Variants in CDH13 observed in about 807,000 individuals in gnomAD.
CDH13 encodes the protein cadherin-13.
Under a neutral mutation model 63.8 loss-of-function variants are expected in CDH13, and 24 were observed. That is an observed-to-expected ratio of 0.38 (90% CI 0.27 to 0.53). The LOEUF (loss-of-function observed/expected upper bound fraction) is 0.53. Among genes scored for constraint, CDH13 ranks in the 20% least tolerant of loss-of-function variants. The pLI is 0.85. For synonymous variants in CDH13, 503 were observed against 355.3 expected (o/e 1.42, Z -4.67); for missense variants, 1,049 against 903.1 (o/e 1.16, Z -2.07).
At chr16:83,621,876 T>C (rs1247673042) in intron 8 of CDH13, among the ~76,000 whole-genome samples, 1 of 152,106 alleles carries the variant, frequency 6.6e-6, no homozygotes, top group Admixed American at 6.6e-5. Flanking sequence ...TCTCCTGGGT[T>C]CATTAGGATA....
At chr16:83,422,508 G>T (rs1344129154) in intron 6 of CDH13, among the ~76,000 whole-genome samples, 2 of 152,196 alleles carry the variant, frequency 1.3e-5, no homozygotes, top group Admixed American at 6.5e-5. Context: ...AGACAGAAAA[G>T]AGTTTAATTT....
chr16:83,312,065 T>TC (rs1162252550), intron 5 of CDH13, among the ~76,000 whole-genome samples: 1 of 32,544 alleles, frequency 3.1e-5, no homozygotes, highest in African/African-American at 1.4e-4. Context: ...AAACTCCATC[T>TC]CAAAAAAAAA....
At chr16:83,174,776 A>T (rs2038060417) in intron 4 of CDH13, among the ~76,000 whole-genome samples, 1 of 152,142 alleles carries the variant, frequency 6.6e-6, no homozygotes, top group African/African-American at 2.4e-5. Flanking sequence ...AGGCCTTAGG[A>T]AACTTAACAA....
intron 2 of CDH13, among the ~76,000 whole-genome samples, chr16:82,971,827 A>G (rs961628290): frequency 3.3e-5 from 5 of 152,010 alleles, no homozygotes; most frequent in African/African-American, 4.8e-5. Context: ...TCCTGATCCT[A>G]TTTGAGGGGG....
intron 6 of CDH13, among the ~76,000 whole-genome samples, chr16:83,381,722 A>T (rs78975324): frequency 0.013 from 1,899 of 143,222 alleles, 38 homozygotes; most frequent in African/African-American, 0.048. Flanking sequence ...ATTAGGGATT[A>T]AAAAAAAAAA....
intron 10 of CDH13, among the ~76,000 whole-genome samples, chr16:83,686,448 TG>T (rs1904322111): frequency 6.6e-6 from 1 of 152,220 alleles, no homozygotes; most frequent in African/African-American, 2.4e-5. Flanking sequence ...CATAGTCTAT[TG>T]ACTCCAAAAT....
intron 2 of CDH13, among the ~76,000 whole-genome samples, chr16:82,890,655 T>TTC (rs1198204669): frequency 2.4e-4 from 36 of 151,504 alleles, no homozygotes; most frequent in African/African-American, 8.7e-4. Context: ...ACATTCTTTT[T>TTC]TTTTTTTTTT....
At chr16:83,162,293 T>G (rs773497514) in intron 4 of CDH13, among the ~76,000 whole-genome samples, 5 of 152,170 alleles carry the variant, frequency 3.3e-5, no homozygotes, top group Non-Finnish European at 7.4e-5. Context: ...GTCGTCATCA[T>G]TGTCACGATG....
chr16:83,767,328 TC>T (rs1297719762), intron 11 of CDH13, among the ~76,000 whole-genome samples: 2 of 152,170 alleles, frequency 1.3e-5, no homozygotes, highest in African/African-American at 4.8e-5. Flanking sequence ...GGGGCAGTTT[TC>T]CCCGTACTGT....
chr16:82,877,845 G>A (rs1421968638), intron 2 of CDH13, among the ~76,000 whole-genome samples: 1 of 149,842 alleles, frequency 6.7e-6, no homozygotes. Context: ...GGGGGCCAGG[G>A]AAGACCTGAA....
intron 6 of CDH13, among the ~76,000 whole-genome samples, chr16:83,373,816 G>A (rs1435770990): frequency 1.3e-5 from 2 of 152,186 alleles, no homozygotes; most frequent in East Asian, 3.9e-4. Context: ...CCTGAGGAAT[G>A]AAGGAAGAGT....
intron 2 of CDH13, among the ~76,000 whole-genome samples, chr16:82,958,853 G>A (rs971795219): frequency 1.3e-5 from 2 of 152,264 alleles, no homozygotes; most frequent in African/African-American, 4.8e-5. Flanking sequence ...ACCTGGGTGA[G>A]TACTCAGCCT....
Position 83,423,014 on chromosome 16 carries a change from AAGCTTC to A in CDH13, c.782-63461_782-63456del, listed in dbSNP as rs1323997480. The stretch of plus-strand genomic sequence containing the variant: ...AGACATGCAAGATTTACGTTCCAGA[AAGCTTC>A]ATTTTTGTGTTCTCTAATTCTGTAC... On this transcript the variant is annotated intron_variant, in intron 6 of 13. Coordinates refer to ENST00000567109, the MANE Select transcript of CDH13 (RefSeq NM_001257.5). Among the ~76,000 whole-genome samples the A allele has an allele frequency of 2.0e-5, 3 of 152,330 alleles. No individual in the cohort carries two copies. The East Asian group carries it at 5.8e-4, about 29-fold the overall frequency.
intron 3 of CDH13, among the ~76,000 whole-genome samples, chr16:83,083,322 A>G (rs1304724997): frequency 3.3e-5 from 5 of 152,208 alleles, no homozygotes; most frequent in South Asian, 2.1e-4. Context: ...ACATAACTCT[A>G]TACCGTACAG....
Position 83,081,000 on chromosome 16 carries a change from G to C in CDH13, c.367-44385G>C, listed in dbSNP as rs781484851. On this transcript the variant is annotated intron_variant, in intron 3 of 13. Transcript: ENST00000567109. The stretch of plus-strand genomic sequence containing the variant: ...AGGTTCAAACGATTCCCCTGCCTCA[G>C]CCTCCCGAGTAACTGGGACTACAGG... Among the ~76,000 whole-genome samples, 4 of 143,418 alleles carry C rather than the reference G, an allele frequency of 2.8e-5. 1 individual carries two copies. In the East Asian group the frequency reaches 9.1e-4, roughly 33 times the overall value. 94.1% of individuals were successfully genotyped at this position (143,418 alleles called of 152,430 possible).
intron 6 of CDH13, among the ~76,000 whole-genome samples, chr16:83,411,487 A>G (rs999851510): frequency 2.6e-5 from 4 of 152,344 alleles, no homozygotes; most frequent in Admixed American, 6.5e-5. Context: ...TATGTGCTCA[A>G]TATGGGGGTT....
At chr16:82,699,765 G>T (rs981515233) in intron 1 of CDH13, among the ~76,000 whole-genome samples, 1 of 152,210 alleles carries the variant, frequency 6.6e-6, no homozygotes, top group African/African-American at 2.4e-5. Flanking sequence ...AACGTAACAG[G>T]ATATTAAGAT....
At chr16:82,658,081 T>C (rs1163495186) in intron 1 of CDH13, among the ~76,000 whole-genome samples, 1 of 152,184 alleles carries the variant, frequency 6.6e-6, no homozygotes, top group Non-Finnish European at 1.5e-5. Flanking sequence ...GTTGAAGAAG[T>C]TTCTGTCTGT....
chr16:83,267,357 C>T (rs1423739455), intron 5 of CDH13, among the ~76,000 whole-genome samples: 2 of 152,134 alleles, frequency 1.3e-5, no homozygotes, highest in African/African-American at 4.8e-5. Context: ...CTAATTCACT[C>T]CATGTATGCA....
Sources: gnomAD v4.1 joint callset for allele counts (sites outside exome capture counted in the v4.1 genomes callset) on GRCh38, gnomAD v4.1.1 for gene constraint, MANE v1.5 for transcripts, NCBI Gene and HGNC (gene_info 2026-07-23, HGNC 2026-07-21) for gene names.